The following DYM variants were observed in gnomAD, a reference collection of about 807,000 sequenced individuals.
DYM encodes the protein dymeclin, also known as dyggve-Melchior-Clausen syndrome protein.
Under a neutral mutation model 93.1 loss-of-function variants are expected in DYM, and 78 were observed. The ratio of observed to expected loss-of-function variants is 0.84; its 90% CI spans 0.70 to 1.01. DYM has a LOEUF of 1.01. Ranked by LOEUF, DYM falls within the 50% of genes least tolerant of loss-of-function variation. The pLI is 0.00. For synonymous variants in DYM, 321 were observed against 319.7 expected (o/e 1.00, Z -0.04); for missense variants, 789 against 845.0 (o/e 0.93, Z 0.82).
At chr18:49,197,171 G>A (rs1452179398) in intron 14 of DYM, among the ~76,000 whole-genome samples, 1 of 152,172 alleles carries the variant, frequency 6.6e-6, no homozygotes, top group Non-Finnish European at 1.5e-5. Context: ...CAGCTCTCAG[G>A]ACAGGACAAG....
At chr18:49,115,824 T>C (rs753986405) in intron 16 of DYM, among the ~76,000 whole-genome samples, 1 of 152,214 alleles carries the variant, frequency 6.6e-6, no homozygotes, top group Non-Finnish European at 1.5e-5. Flanking sequence ...CTCAAGACTA[T>C]AAAAGGCCAC....
intron 6 of DYM, among the ~76,000 whole-genome samples, chr18:49,349,786 T>A (rs113189740): frequency 6.6e-6 from 1 of 151,950 alleles, no homozygotes; most frequent in Non-Finnish European, 1.5e-5. Context: ...CAAGACCTCA[T>A]CTCTACTAAA....
At chr18:49,087,381 A>G (rs1009333418) in intron 17 of DYM, among the ~76,000 whole-genome samples, 5 of 152,258 alleles carry the variant, frequency 3.3e-5, no homozygotes, top group African/African-American at 1.2e-4. Flanking sequence ...CAAAGTAAAA[A>G]CTATGCTTAA....
chr18:49,408,310 T>C (rs1444505063), intron 2 of DYM, among the ~76,000 whole-genome samples: 1 of 152,256 alleles, frequency 6.6e-6, no homozygotes, highest in Non-Finnish European at 1.5e-5. Flanking sequence ...TTTATTTATG[T>C]AGCCGATCTT....
At chr18:49,307,837 T>C (rs1182691685) in intron 8 of DYM, among the ~76,000 whole-genome samples, 1 of 152,200 alleles carries the variant, frequency 6.6e-6, no homozygotes, top group Non-Finnish European at 1.5e-5. Context: ...CTATGAATCA[T>C]GGAACCAAAA....
intron 13 of DYM, among the ~76,000 whole-genome samples, chr18:49,213,401 A>G (rs949930113): frequency 1.3e-5 from 2 of 151,788 alleles, no homozygotes; most frequent in African/African-American, 2.4e-5. Flanking sequence ...GGTTCAAGCA[A>G]TTCTACCGGG....
intron 8 of DYM, among the ~76,000 whole-genome samples, chr18:49,298,191 T>C (rs1199917310): frequency 6.6e-6 from 1 of 152,068 alleles, no homozygotes; most frequent in Admixed American, 6.6e-5. Flanking sequence ...TTTGACCATC[T>C]CAAGAAAGAA....
At chr18:49,356,198 T>C (rs2065549654) in intron 6 of DYM, among the ~76,000 whole-genome samples, 1 of 152,172 alleles carries the variant, frequency 6.6e-6, no homozygotes, top group African/African-American at 2.4e-5. Context: ...TTTGCAGTTA[T>C]TAATGTCAAA....
chr18:49,038,821 T>C lies in DYM; in HGVS notation c.*5234A>G. 6.6e-6 allele frequency among the ~76,000 whole-genome samples: 1 copy of C among 152,360 alleles called. No homozygotes were observed. Among genetic ancestry groups the C allele is most frequent in the Middle Eastern group, 3.4e-3 (1 of 294 alleles). Reference sequence around the variant, plus strand: ...TATCTCAAATATTATCATGCATACATGAGTTATCAAAGACTAATATTAAAT... The same window carrying C: ...TATCTCAAATATTATCATGCATACACGAGTTATCAAAGACTAATATTAAAT... On this transcript the variant is annotated 3_prime_UTR_variant, in exon 18 of 18. Transcript: ENST00000675505.
intron 17 of DYM, among the ~76,000 whole-genome samples, chr18:49,090,933 A>T (rs532815211): frequency 6.6e-6 from 1 of 152,242 alleles, no homozygotes; most frequent in Non-Finnish European, 1.5e-5. Context: ...TTTTGTAGCT[A>T]TAAGAATGCA....
At chr18:49,119,107 A>C (rs1158579834) in intron 15 of DYM, among the ~76,000 whole-genome samples, 181 bp from the exon 16 acceptor site, 1 of 152,206 alleles carries the variant, frequency 6.6e-6, no homozygotes, top group East Asian at 1.9e-4. Context: ...TTACTAAAGG[A>C]TTTGGGTTAA....
chr18:49,043,891 G>A lies in DYM; in HGVS notation c.*164C>T, dbSNP rs1568331260. On this transcript the variant is annotated 3_prime_UTR_variant, in exon 18 of 18. Transcript: ENST00000675505. Reference sequence around the variant, plus strand: ...ACGCTGAGTTATCTATTGCCAACTAGCACCAATTCTCCAAATCAAAGTGTG... The same window carrying A: ...ACGCTGAGTTATCTATTGCCAACTAACACCAATTCTCCAAATCAAAGTGTG... 1 of 804,368 alleles carries A rather than the reference G, an allele frequency of 1.2e-6. No individual in the cohort carries two copies. Among genetic ancestry groups the A allele is most frequent in the Non-Finnish European group, 2.0e-6 (1 of 495,964 alleles). 49.8% of individuals were successfully genotyped at this position (804,368 alleles called of 1,614,324 possible).
In DYM at chr18:49,262,374, T is replaced by C. The variant is rs369394758; in HGVS notation, c.1252-3881A>G. Among the ~76,000 whole-genome samples the C allele has an allele frequency of 8.5e-5, 13 of 152,218 alleles. No homozygotes were observed. In the East Asian group the frequency reaches 1.9e-3, roughly 23 times the overall value. On this transcript the variant is annotated intron_variant, in intron 11 of 17. Coordinates refer to ENST00000675505, the MANE Select transcript of DYM (RefSeq NM_001353214.3). ...TTTCAGGCTACAGAAGACAATAAAT[T>C]TCTATTGTTAGGAGTCACCTAGCTG...
At chr18:49,222,293 C>G (rs1010841254) in intron 13 of DYM, among the ~76,000 whole-genome samples, 1 of 151,786 alleles carries the variant, frequency 6.6e-6, no homozygotes, top group Admixed American at 6.6e-5. Context: ...TTTTTCTTTA[C>G]AAGAATTTAT....
At chr18:49,290,949 A>C (rs998464755) in intron 8 of DYM, among the ~76,000 whole-genome samples, 2 of 152,174 alleles carry the variant, frequency 1.3e-5, no homozygotes, top group African/African-American at 4.8e-5. Context: ...TCCCCCAAAA[A>C]TGTGATGCAA....
intron 17 of DYM, among the ~76,000 whole-genome samples, chr18:49,086,088 T>C (rs1013152170): frequency 1.3e-5 from 2 of 152,258 alleles, no homozygotes; most frequent in Admixed American, 1.3e-4. Context: ...TGCCCTTGCA[T>C]TGTGAACTTG....
chr18:49,352,879 A>AT lies in DYM; in HGVS notation c.494+10281dup, dbSNP rs199877714. 1.9e-3 allele frequency among the ~76,000 whole-genome samples: 289 copies of AT among 151,404 alleles called. 1 individual carries two copies. The highest frequency in any genetic ancestry group is 6.6e-3 in the East Asian group (34 of 5,162). On this transcript the variant is annotated intron_variant, in intron 6 of 17. Coordinates refer to ENST00000675505, the MANE Select transcript of DYM (RefSeq NM_001353214.3). ...CTAAGTACATTACTGGGAGGGTCTGATTTTTTTTTAAAGCTTTTCAATACT... is the reference window on the plus strand; with the variant it reads ...CTAAGTACATTACTGGGAGGGTCTGATTTTTTTTTTAAAGCTTTTCAATACT...
intron 16 of DYM, among the ~76,000 whole-genome samples, chr18:49,104,773 G>A (rs1376283029): frequency 6.6e-6 from 1 of 152,180 alleles, no homozygotes; most frequent in Admixed American, 6.5e-5. Context: ...CTTGATCATG[G>A]TGGATAAGGT....
chr18:49,421,281 T>A (rs959705314), intron 2 of DYM, among the ~76,000 whole-genome samples: 1 of 152,108 alleles, frequency 6.6e-6, no homozygotes, highest in African/African-American at 2.4e-5. Flanking sequence ...TACGGCCAGG[T>A]GCCCCTCTGA....
Sources: gnomAD v4.1 joint callset for allele counts (sites outside exome capture counted in the v4.1 genomes callset) on GRCh38, gnomAD v4.1.1 for gene constraint, MANE v1.5 for transcripts, NCBI Gene and HGNC (gene_info 2026-07-23, HGNC 2026-07-21) for gene names.